The following VPS13C variants were observed in gnomAD, a reference collection of about 807,000 sequenced individuals.
The protein encoded by VPS13C is intermembrane lipid transfer protein VPS13C.
Under a neutral mutation model 456.8 loss-of-function variants are expected in VPS13C, and 358 were observed. The ratio of observed to expected loss-of-function variants is 0.78; its 90% confidence interval spans 0.72 to 0.86. VPS13C has a LOEUF of 0.86. Ranked by LOEUF, VPS13C falls within the 40% of genes least tolerant of loss-of-function variation. The probability of loss-of-function intolerance (pLI) is 0.00; values close to 1 mark genes in which losing one functional copy is unlikely to be tolerated. For missense variants in VPS13C, 4,818 were observed against 4,385.4 expected (o/e 1.10, Z -2.79); for synonymous variants, 1,578 against 1,486.7 (o/e 1.06, Z -1.41).
At chr15:62,052,352 A>G in intron 1 of VPS13C, among the ~76,000 whole-genome samples, 1 of 152,166 alleles carries the variant, frequency 6.6e-6, no homozygotes, top group Non-Finnish European at 1.5e-5. Context: ...CAAAGCATGA[A>G]TCAAATTATT....
At chr15:61,919,596 T>C in intron 57 of VPS13C, 147 bp from the exon 58 acceptor site, 1 of 890,656 alleles carries the variant, frequency 1.1e-6, no homozygotes, top group Non-Finnish European at 1.5e-6. Flanking sequence ...AGACATAAAC[T>C]TAAAAAGAAG....
At chr15:61,940,131 T>C (rs993838956) in intron 47 of VPS13C, among the ~76,000 whole-genome samples, 2 of 152,194 alleles carry the variant, frequency 1.3e-5, no homozygotes, top group Admixed American at 6.5e-5. Context: ...TTATCAAATA[T>C]ACACATTTGC....
chr15:62,012,031 G>T, intron 12 of VPS13C, 76 bp downstream of exon 12: 2 of 921,936 alleles, frequency 2.2e-6, no homozygotes, highest in Non-Finnish European at 1.7e-6. Context: ...AAGTTTATCA[G>T]AAAACTATGT....
At chr15:61,897,606 A>C (rs2042866824) in intron 66 of VPS13C, among the ~76,000 whole-genome samples, 1 of 152,168 alleles carries the variant, frequency 6.6e-6, no homozygotes, top group African/African-American at 2.4e-5. Context: ...ACTATGTGAA[A>C]AGACTAAATC....
intron 66 of VPS13C, 41 bp from the exon 67 acceptor site, chr15:61,890,441 CT>C (rs764995816): frequency 4.0e-5 from 61 of 1,530,604 alleles, no homozygotes; most frequent in Admixed American, 5.4e-5. Context: ...CACATAGTAA[CT>C]TGTTATTATA....
chr15:61,869,448 GTAA>G (rs1198162122), intron 80 of VPS13C, 49 bp downstream of exon 80: 2 of 1,587,644 alleles, frequency 1.3e-6, no homozygotes, highest in East Asian at 4.5e-5. Flanking sequence ...TGTATTCCTT[GTAA>G]TAATTAGCAC....
At chr15:61,860,953 C>CTTTTTTTT (rs781045840) in intron 82 of VPS13C, among the ~76,000 whole-genome samples, 12 of 89,696 alleles carry the variant, frequency 1.3e-4, no homozygotes, top group Non-Finnish European at 2.5e-4. Flanking sequence ...TATTTTCTTT[C>CTTTTTTTT]TTTTTTTTTT....
At chr15:61,896,026 T>A (rs1267810723) in intron 66 of VPS13C, among the ~76,000 whole-genome samples, 2 of 152,314 alleles carry the variant, frequency 1.3e-5, no homozygotes, top group Middle Eastern at 3.4e-3. Flanking sequence ...CCTGATCTAA[T>A]CAGTATATAT....
In VPS13C at chr15:61,973,772, G is replaced by A. The variant is rs557786832; in HGVS notation, c.2539-240C>T. Among the ~76,000 whole-genome samples, 6 of 152,226 alleles carry A rather than the reference G, an allele frequency of 3.9e-5. No homozygotes were observed. The South Asian group carries it at 1.2e-3, about 32-fold the overall frequency. On this transcript the variant is annotated intron_variant, in intron 25 of 84. Coordinates refer to ENST00000644861, the MANE Select transcript of VPS13C (RefSeq NM_020821.3). Reference sequence around the variant, plus strand: ...ATCTACAAGGGCAAAACTAAGCCCAGCTCTAGTAAGTTAGTCTATTATTAC... The same window carrying A: ...ATCTACAAGGGCAAAACTAAGCCCAACTCTAGTAAGTTAGTCTATTATTAC...
At chr15:62,019,700 A>T (rs1412358938) in intron 9 of VPS13C, among the ~76,000 whole-genome samples, 1 of 152,020 alleles carries the variant, frequency 6.6e-6, no homozygotes, top group East Asian at 1.9e-4. Context: ...GGAGTGCTTT[A>T]CTTCCAACTA....
intron 2 of VPS13C, 57 bp from the exon 3 acceptor site, chr15:62,041,423 A>C: frequency 6.6e-7 from 1 of 1,522,342 alleles, no homozygotes; most frequent in East Asian, 2.3e-5. Flanking sequence ...CAACCCAAAA[A>C]TCACTTTTGT....
At chr15:61,877,613 T>C (rs542917990) in intron 74 of VPS13C, among the ~76,000 whole-genome samples, 32 of 151,760 alleles carry the variant, frequency 2.1e-4, no homozygotes, top group African/African-American at 7.5e-4. Context: ...TTGGAAAGAA[T>C]TTCCAAAAAG....
At chr15:61,960,520 A>G (rs1009954572) in intron 35 of VPS13C, among the ~76,000 whole-genome samples, 4 of 152,188 alleles carry the variant, frequency 2.6e-5, no homozygotes, top group Non-Finnish European at 5.9e-5. Context: ...CTAGAATTAT[A>G]TCATAGTTAA....
chr15:62,008,812 A>G, intron 13 of VPS13C, 51 bp from the exon 14 acceptor site: 2 of 1,128,720 alleles, frequency 1.8e-6, no homozygotes, highest in Non-Finnish European at 2.4e-6. Flanking sequence ...ATATAAAAAA[A>G]AGACTAAATT....
At chr15:61,922,331 G>A in intron 54 of VPS13C, 66 bp downstream of exon 54, 3 of 1,540,344 alleles carry the variant, frequency 1.9e-6, no homozygotes, top group African/African-American at 1.4e-5. Context: ...CAAGAAAAGT[G>A]TATATCTTAA....
intron 52 of VPS13C, 127 bp downstream of exon 52, chr15:61,926,964 T>C (rs1042934910): frequency 2.4e-6 from 2 of 837,296 alleles, no homozygotes; most frequent in South Asian, 1.8e-5. Flanking sequence ...TATCTTTATA[T>C]GTAAAACCCC....
chr15:61,917,018 C>T (rs1596327850), intron 60 of VPS13C, among the ~76,000 whole-genome samples: 1 of 152,224 alleles, frequency 6.6e-6, no homozygotes, highest in Middle Eastern at 3.4e-3. Flanking sequence ...CCCAGCTCCA[C>T]CACTTCCTAG....
intron 77 of VPS13C, among the ~76,000 whole-genome samples, chr15:61,874,396 T>G (rs1895259876): frequency 6.6e-6 from 1 of 152,060 alleles, no homozygotes; most frequent in African/African-American, 2.4e-5. Context: ...ATTACCAGAT[T>G]TGATCACTAC....
chr15:61,937,023 C>T (rs1200249465), intron 47 of VPS13C, among the ~76,000 whole-genome samples: 1 of 152,124 alleles, frequency 6.6e-6, no homozygotes, highest in African/African-American at 2.4e-5. Context: ...TTCCTGGACC[C>T]GTGCCTATCT....
Sources: allele counts gnomAD v4.1 joint callset (sites outside exome capture counted in the v4.1 genomes callset), GRCh38; gene constraint gnomAD v4.1.1; transcripts MANE v1.5; gene names NCBI Gene and HGNC (gene_info 2026-07-23, HGNC 2026-07-21).